TLR6: variants seen among roughly 807,000 people sequenced by gnomAD.
TLR6 encodes toll like receptor 6.
Under a neutral mutation model 16.1 loss-of-function variants are expected in TLR6, and 9 were observed. That is an observed-to-expected ratio of 0.56 (90% CI 0.34 to 0.98). The LOEUF (loss-of-function observed/expected upper bound fraction) is 0.98, where lower values mean the gene tolerates loss of function less well. Among genes scored for constraint, TLR6 ranks in the 50% least tolerant of loss-of-function variants. The pLI, the probability that TLR6 is intolerant of heterozygous loss-of-function variation, is 0.02. For missense variants in TLR6, 786 were observed against 921.0 expected, an observed-to-expected ratio of 0.85 and a Z score of 1.90; for synonymous variants, 340 against 338.6, an observed-to-expected ratio of 1.00 and a Z score of -0.04.
chr4:38,856,347 G>A (rs1393450368), intron 1 of TLR6, among the ~76,000 whole-genome samples: 1 of 152,186 alleles, frequency 6.6e-6, no homozygotes, highest in Non-Finnish European at 1.5e-5. Context: ...AACGACAAGG[G>A]AGATCAAACA....
chr4:38,868,177 C>A, the TLR6 span: 1 of 214,868 alleles, frequency 4.7e-6, no homozygotes, highest in East Asian at 1.2e-4. Flanking sequence ...CCTGGATCTC[C>A]CAAAGTATCC....
downstream of TLR6, among the ~76,000 whole-genome samples, chr4:38,823,520 C>T (rs6815827): frequency 0.037 from 5,595 of 152,192 alleles, 276 homozygotes; most frequent in African/African-American, 0.11. Flanking sequence ...CATCTTACTA[C>T]GGGATCTATT....
chr4:38,825,245 C>T (rs1727491477), exon 2 of TLR6: 1 of 152,196 alleles, frequency 6.6e-6, no homozygotes, highest in Admixed American at 6.5e-5. Context: ...ACAAATCTCA[C>T]TTTAGTCATT....
chr4:38,827,895 C>G, exon 2 of TLR6: 1 of 1,614,170 alleles, frequency 6.2e-7, no homozygotes, highest in East Asian at 2.2e-5. Context: ...GGATTGTCCC[C>G]TGCTTTTATT....
exon 2 of TLR6, chr4:38,829,127 G>T: frequency 1.2e-6 from 2 of 1,614,018 alleles, no homozygotes; most frequent in Non-Finnish European, 1.7e-6. Context: ...AGGATGGCAG[G>T]ATATCTTTTG....
chr4:38,829,494 A>C, exon 2 of TLR6: 1 of 1,499,042 alleles, frequency 6.7e-7, no homozygotes. Flanking sequence ...TGGCTATCCT[A>C]AAGGGTTGTT....
exon 2 of TLR6, chr4:38,828,451 T>G: frequency 3.7e-6 from 6 of 1,614,142 alleles, no homozygotes; most frequent in Admixed American, 1.7e-5. Context: ...GTATAAAAGG[T>G]GTATCTGAAA....
the TLR6 span, chr4:38,868,125 A>G: frequency 3.9e-6 from 1 of 254,390 alleles, no homozygotes. Context: ...GCCCACACTC[A>G]GGGTCTGCCC....
intron 1 of TLR6, among the ~76,000 whole-genome samples, chr4:38,848,008 T>C (rs1279963694): frequency 6.6e-6 from 1 of 152,044 alleles, no homozygotes; most frequent in African/African-American, 2.4e-5. Context: ...CTGACCCCCA[T>C]GTAGCCTAAC....
rs1343862936 is a variant in TLR6, at chr4:38,828,164, GAA to G, written c.1308_1309del (p.Ser437LysfsTer5). 6.2e-7 allele frequency: 1 copy of G among 1,614,130 alleles called. No homozygotes were observed. Among genetic ancestry groups the G allele is most frequent in the South Asian group, 1.1e-5 (1 of 91,082 alleles). ...GAAAACAGAGTCAGTAAGCATATTT[GAA>G]GACAAATTTAACACCACTATACTCT... On this transcript the variant is annotated frameshift_variant, in exon 2 of 2. Transcript: ENST00000436693. LOFTEE classifies it low-confidence loss of function (END_TRUNC).
intron 1 of TLR6, among the ~76,000 whole-genome samples, chr4:38,852,671 C>A (rs945074050): frequency 2.0e-5 from 3 of 151,258 alleles, no homozygotes; most frequent in African/African-American, 7.3e-5. Flanking sequence ...CAAATCAAAA[C>A]CACAATGAGA....
chr4:38,827,014 C>T (rs1172498851), exon 2 of TLR6: 2 of 1,247,184 alleles, frequency 1.6e-6, no homozygotes, highest in Non-Finnish European at 2.2e-6. Flanking sequence ...CAGACAGTTA[C>T]TTACGACTGT....
At chr4:38,843,319 G>A (rs942943779) in intron 1 of TLR6, among the ~76,000 whole-genome samples, 3 of 152,146 alleles carry the variant, frequency 2.0e-5, no homozygotes, top group African/African-American at 7.2e-5. Flanking sequence ...GACAAAAGCA[G>A]CCACCAACAT....
At chr4:38,857,961 G>C (rs1002160521), upstream of TLR6, among the ~76,000 whole-genome samples, 2 of 152,222 alleles carry the variant, frequency 1.3e-5, no homozygotes, top group African/African-American at 4.8e-5. Flanking sequence ...GGAATTTCAA[G>C]TAACCGTGGA....
exon 2 of TLR6, chr4:38,827,018 C>T (rs150514907): frequency 5.5e-6 from 7 of 1,270,406 alleles, no homozygotes; most frequent in South Asian, 3.1e-5. Flanking sequence ...CAGTTACTTA[C>T]GACTGTACTA....
intron 1 of TLR6, among the ~76,000 whole-genome samples, chr4:38,844,903 A>C (rs59770038): frequency 0.22 from 32,693 of 151,802 alleles, 4,234 homozygotes; most frequent in Non-Finnish European, 0.28. Context: ...AACAAACAAA[A>C]AAAAAATTAG....
intron 1 of TLR6, among the ~76,000 whole-genome samples, chr4:38,835,234 A>T (rs1360639691): frequency 6.6e-6 from 1 of 152,138 alleles, no homozygotes; most frequent in Non-Finnish European, 1.5e-5. Flanking sequence ...CATTCACCCC[A>T]CCTTCAAAGA....
intron 1 of TLR6, among the ~76,000 whole-genome samples, chr4:38,852,010 T>C (rs1712792160): frequency 6.6e-6 from 1 of 152,170 alleles, no homozygotes; most frequent in Non-Finnish European, 1.5e-5. Flanking sequence ...CAAAACAGCA[T>C]GGTACTGGTA....
intron 1 of TLR6, chr4:38,843,539 AAGAG>A (rs1712379681): frequency 6.6e-6 from 1 of 152,248 alleles, no homozygotes; most frequent in Non-Finnish European, 1.5e-5. Flanking sequence ...TAAAACAGGA[AAGAG>A]ATGAGTCCTT....
Sources: allele counts gnomAD v4.1 joint callset (sites outside exome capture counted in the v4.1 genomes callset), GRCh38; gene constraint gnomAD v4.1.1; transcripts MANE v1.5; gene names NCBI Gene and HGNC (gene_info 2026-07-23, HGNC 2026-07-21).